The following SHB variants were observed in gnomAD, a reference collection of about 807,000 sequenced individuals.
SHB encodes the protein SH2 domain-containing adapter protein B.
SHB carries 20 observed loss-of-function variants against 52.3 expected under a neutral mutation model. The ratio of observed to expected loss-of-function variants is 0.38; its 90% CI spans 0.27 to 0.56. SHB has a LOEUF of 0.56. Among genes scored for constraint, SHB ranks in the 20% least tolerant of loss-of-function variants. SHB has a pLI of 0.71. For missense variants in SHB, 825 were observed against 723.3 expected, an observed-to-expected ratio of 1.14 and a Z score of -1.61; for synonymous variants, 397 against 316.5, an observed-to-expected ratio of 1.25 and a Z score of -2.70.
At chr9:37,950,794 G>C (rs1468524178) in intron 4 of SHB, among the ~76,000 whole-genome samples, 1 of 152,378 alleles carries the variant, frequency 6.6e-6, no homozygotes, top group East Asian at 1.9e-4. Flanking sequence ...TGTGGGGCGA[G>C]TCTTAACCGA....
intron 5 of SHB, among the ~76,000 whole-genome samples, chr9:37,920,297 AAACAAAACAAAACAAAAC>A (rs1009819947): frequency 6.9e-6 from 1 of 144,946 alleles, no homozygotes; most frequent in Admixed American, 6.9e-5. Flanking sequence ...AAACAAAACA[AAACAAAACAAAACAAAAC>A]AAAACAAAAC....
intron 5 of SHB, chr9:37,936,828 T>A (rs1170618514): frequency 1.3e-5 from 2 of 152,206 alleles, no homozygotes; most frequent in Non-Finnish European, 2.9e-5. Flanking sequence ...AGAGAGGCTC[T>A]GTCACTTCCA....
In SHB at chr9:37,981,327, T is replaced by C. The variant is rs80259454; in HGVS notation, c.839-6490A>G. Reference sequence around the variant, plus strand: ...TGCTTCACCACACACTTCCATGTTATGGAAATGGCTTCTTTCCTTAAACCT... The same window carrying C: ...TGCTTCACCACACACTTCCATGTTACGGAAATGGCTTCTTTCCTTAAACCT... On this transcript the variant is annotated intron_variant, in intron 2 of 5. Coordinates refer to ENST00000377707, the MANE Select transcript of SHB (RefSeq NM_003028.3). Among the ~76,000 whole-genome samples the C allele has an allele frequency of 7.2e-3, 1,097 of 152,392 alleles. 18 individuals are homozygous for C. Among genetic ancestry groups the C allele is most frequent in the African/African-American group, 0.025 (1,043 of 41,602 alleles).
chr9:38,013,307 G>A (rs1452092362), intron 2 of SHB, among the ~76,000 whole-genome samples: 2 of 152,162 alleles, frequency 1.3e-5, no homozygotes, highest in Non-Finnish European at 2.9e-5. Flanking sequence ...ACCCCATGGG[G>A]TGTACCCTCA....
chr9:38,021,094 T>C (rs1587247895), intron 1 of SHB, among the ~76,000 whole-genome samples: 1 of 152,268 alleles, frequency 6.6e-6, no homozygotes, highest in Non-Finnish European at 1.5e-5. Flanking sequence ...TCCCAGCATT[T>C]TGGGAGGCCG....
intron 1 of SHB, among the ~76,000 whole-genome samples, chr9:38,044,010 G>A (rs1332158867): frequency 6.6e-6 from 1 of 152,242 alleles, no homozygotes; most frequent in African/African-American, 2.4e-5. Flanking sequence ...GCACACCAAG[G>A]TGTTGACCTG....
intron 5 of SHB, among the ~76,000 whole-genome samples, chr9:37,941,736 A>G (rs1352999416): frequency 1.3e-5 from 2 of 152,032 alleles, no homozygotes; most frequent in Non-Finnish European, 2.9e-5. Context: ...TGTGTGGGGA[A>G]CTCAACAATG....
intron 1 of SHB, among the ~76,000 whole-genome samples, chr9:38,031,136 C>CCCGTTTCAACTACT (rs1190845335): frequency 6.6e-6 from 1 of 152,060 alleles, no homozygotes; most frequent in East Asian, 1.9e-4. Context: ...CATGGCCAAC[C>CCCGTTTCAACTACT]ATGGTGAAAC....
intron 5 of SHB, among the ~76,000 whole-genome samples, chr9:37,930,389 G>A (rs1039606882): frequency 5.3e-5 from 8 of 152,178 alleles, no homozygotes; most frequent in African/African-American, 1.9e-4. Flanking sequence ...TGCAGTAATG[G>A]GGTGTGACAA....
At chr9:37,920,322 A>AAACAAAACAC (rs1832165134) in intron 5 of SHB, among the ~76,000 whole-genome samples, 1 of 126,616 alleles carries the variant, frequency 7.9e-6, no homozygotes, top group African/African-American at 3.0e-5. Flanking sequence ...AAACAAAACA[A>AAACAAAACAC]AACAAAACAA....
chr9:37,946,678 G>A (rs963288863), intron 5 of SHB, among the ~76,000 whole-genome samples: 1 of 152,184 alleles, frequency 6.6e-6, no homozygotes, highest in Non-Finnish European at 1.5e-5. Context: ...GGTCCTCTAG[G>A]ATGAACGGCC....
intron 3 of SHB, among the ~76,000 whole-genome samples, chr9:37,973,540 T>C (rs573362747): frequency 6.6e-6 from 1 of 152,324 alleles, no homozygotes; most frequent in East Asian, 1.9e-4. Context: ...TTTTTTATCA[T>C]AACTTTGGCA....
intron 2 of SHB, among the ~76,000 whole-genome samples, chr9:38,000,630 G>C (rs1251868814): frequency 6.6e-6 from 1 of 152,226 alleles, no homozygotes; most frequent in Admixed American, 6.5e-5. Context: ...GGGCTAACCT[G>C]TACAGTCCAT....
At chr9:37,948,588 C>T (rs1049444918) in intron 5 of SHB, 47 bp downstream of exon 5, 16 of 1,602,758 alleles carry the variant, frequency 1.0e-5, no homozygotes, top group Admixed American at 5.0e-5. Flanking sequence ...CGGCTGCGCT[C>T]GCAGAGGCTG....
rs555361997 is a variant in SHB, at chr9:38,019,156, G to A, written c.718-3025C>T. On this transcript the variant is annotated intron_variant, in intron 1 of 5. Coordinates refer to ENST00000377707, the MANE Select transcript of SHB (RefSeq NM_003028.3). ...AGCAGAAAAAAAGGCTGTAGAGTGCGGCTGCTTAGTCAGTGAGCCACGTCA... is the reference window on the plus strand; with the variant it reads ...AGCAGAAAAAAAGGCTGTAGAGTGCAGCTGCTTAGTCAGTGAGCCACGTCA... Among the ~76,000 whole-genome samples, 23 of 152,322 alleles carry A rather than the reference G, an allele frequency of 1.5e-4. No individual in the cohort carries two copies. In the East Asian group the frequency reaches 2.7e-3, roughly 18 times the overall value.
chr9:37,983,882 C>T (rs548921693), intron 2 of SHB, among the ~76,000 whole-genome samples: 197 of 152,314 alleles, frequency 1.3e-3, no homozygotes, highest in African/African-American at 4.6e-3. Flanking sequence ...CCCTCGCCAA[C>T]CACCTGGAGG....
chr9:37,981,059 C>A (rs574763297), intron 2 of SHB, among the ~76,000 whole-genome samples: 1 of 152,324 alleles, frequency 6.6e-6, no homozygotes, highest in South Asian at 2.1e-4. Flanking sequence ...GGCAAATGAG[C>A]ACTGGCTTCA....
At chr9:38,043,961 A>G (rs1156740654) in intron 1 of SHB, among the ~76,000 whole-genome samples, 2 of 152,190 alleles carry the variant, frequency 1.3e-5, no homozygotes, top group African/African-American at 4.8e-5. Flanking sequence ...GCTCAGGGCC[A>G]GGCCTCAATC....
chr9:37,962,629 C>T (rs1432279029), intron 3 of SHB, among the ~76,000 whole-genome samples: 1 of 151,930 alleles, frequency 6.6e-6, no homozygotes, highest in African/African-American at 2.4e-5. Context: ...ACCTCAGCCT[C>T]CCAAGCAGTA....
Sources: allele counts gnomAD v4.1 joint callset (sites outside exome capture counted in the v4.1 genomes callset), GRCh38; gene constraint gnomAD v4.1.1; transcripts MANE v1.5; gene names NCBI Gene and HGNC (gene_info 2026-07-23, HGNC 2026-07-21).